Variants in COL19A1 observed in about 807,000 individuals in gnomAD.
COL19A1 encodes the protein collagen type XIX alpha 1 chain, also known as collagen alpha-1(XIX) chain.
Under a neutral mutation model 190.2 loss-of-function variants are expected in COL19A1, and 159 were observed. The observed-to-expected ratio is 0.84, with a 90% confidence interval of 0.73 to 0.95. COL19A1 has a LOEUF of 0.95. COL19A1 is among the 40% of genes least tolerant of loss of function. COL19A1 has a pLI of 0.00. For synonymous variants in COL19A1, 509 were observed against 458.9 expected (o/e 1.11, Z -1.39); for missense variants, 1,418 against 1,431.9 (o/e 0.99, Z 0.16).
In COL19A1 at chr6:70,156,724, G is replaced by A. The variant is rs1224374912; in HGVS notation, c.2292+1G>A. On this transcript the variant is annotated splice_donor_variant, in intron 34 of 50. Coordinates refer to ENST00000620364, the MANE Select transcript of COL19A1 (RefSeq NM_001858.6). LOFTEE classifies it high-confidence loss of function. ...GATACCTGGGGAGAAAGGCGATGAG[G>A]TAACAGATTCTTTTCTGATTATATA... is the stretch of plus-strand genomic sequence containing the variant. The A allele has an allele frequency of 1.2e-6, 2 of 1,607,800 alleles. No individual in the cohort carries two copies. The highest frequency in any genetic ancestry group is 1.1e-5 in the South Asian group (1 of 90,490).
At chr6:70,096,084 A>ATTTT (rs70987498) in intron 15 of COL19A1, among the ~76,000 whole-genome samples, 8,405 of 141,230 alleles carry the variant, frequency 0.06, 377 homozygotes, top group South Asian at 0.11. Context: ...CGGTAACTCT[A>ATTTT]TTTTTTTTTT....
intron 11 of COL19A1, among the ~76,000 whole-genome samples, chr6:69,982,156 T>A (rs1392161439): frequency 1.3e-5 from 2 of 152,164 alleles, no homozygotes; most frequent in East Asian, 3.8e-4. Flanking sequence ...AATAATTCTG[T>A]TCTGATGCAT....
chr6:69,981,871 A>C (rs1418070222), intron 11 of COL19A1, among the ~76,000 whole-genome samples: 1 of 152,166 alleles, frequency 6.6e-6, no homozygotes, highest in Non-Finnish European at 1.5e-5. Context: ...TCATGTATTT[A>C]AGGATTTATA....
At chr6:70,067,102 C>G (rs537728492) in intron 14 of COL19A1, among the ~76,000 whole-genome samples, 2 of 152,152 alleles carry the variant, frequency 1.3e-5, no homozygotes, top group South Asian at 4.1e-4. Context: ...GTGGTAAGTA[C>G]TTGAGAGAAA....
chr6:69,974,648 A>G (rs1775607422), intron 11 of COL19A1, among the ~76,000 whole-genome samples: 1 of 152,082 alleles, frequency 6.6e-6, no homozygotes, highest in Non-Finnish European at 1.5e-5. Flanking sequence ...TTTATAACAG[A>G]CAATTCTAAG....
chr6:70,179,816 C>A (rs11752666), intron 42 of COL19A1, among the ~76,000 whole-genome samples: 2,199 of 152,248 alleles, frequency 0.014, 80 homozygotes, highest in East Asian at 0.13. Context: ...CAGTCTGAAA[C>A]TTATGGCCTG....
intron 15 of COL19A1, among the ~76,000 whole-genome samples, chr6:70,089,893 T>A (rs538805631): frequency 2.0e-5 from 3 of 152,196 alleles, no homozygotes; most frequent in Non-Finnish European, 4.4e-5. Flanking sequence ...TTTTTTCCAG[T>A]CAAAAACAAT....
At chr6:70,189,780 A>G (rs190150190) in intron 47 of COL19A1, among the ~76,000 whole-genome samples, 3 of 152,374 alleles carry the variant, frequency 2.0e-5, no homozygotes, top group Admixed American at 2.0e-4. Context: ...TGTAAATTAC[A>G]GAATAAACTT....
chr6:70,062,363 G>A (rs1221918843), intron 14 of COL19A1, among the ~76,000 whole-genome samples: 1 of 151,982 alleles, frequency 6.6e-6, no homozygotes, highest in Non-Finnish European at 1.5e-5. Flanking sequence ...AAATTAGATG[G>A]TGAAATTAAG....
intron 36 of COL19A1, among the ~76,000 whole-genome samples, chr6:70,164,741 A>G (rs182975213): frequency 9.8e-5 from 15 of 152,334 alleles, no homozygotes; most frequent in Admixed American, 2.6e-4. Flanking sequence ...TTGTTGACTC[A>G]TTAGAACTAT....
intron 12 of COL19A1, among the ~76,000 whole-genome samples, chr6:70,032,524 A>T (rs1002763218): frequency 6.6e-6 from 1 of 152,192 alleles, no homozygotes; most frequent in Non-Finnish European, 1.5e-5. Flanking sequence ...TAAGCAAAAT[A>T]AAAGGGAACA....
At chr6:69,918,007 C>T (rs752062001) in intron 4 of COL19A1, among the ~76,000 whole-genome samples, 2 of 152,082 alleles carry the variant, frequency 1.3e-5, no homozygotes, top group African/African-American at 2.4e-5. Context: ...TACAAAGGCC[C>T]AAGGTCTCAA....
chr6:69,967,702 C>T (rs1359058900), intron 11 of COL19A1, among the ~76,000 whole-genome samples: 2 of 151,864 alleles, frequency 1.3e-5, no homozygotes, highest in East Asian at 1.9e-4. Context: ...CCTAAAATGC[C>T]ATATGAGATA....
At chr6:70,123,818 G>A (rs1486875911) in intron 17 of COL19A1, among the ~76,000 whole-genome samples, 2 of 125,450 alleles carry the variant, frequency 1.6e-5, no homozygotes, top group South Asian at 3.3e-4. Flanking sequence ...TTGTGGGGTC[G>A]GGGGAGGGGG....
At chr6:70,042,330 A>G (rs948430073) in intron 14 of COL19A1, among the ~76,000 whole-genome samples, 3 of 152,202 alleles carry the variant, frequency 2.0e-5, no homozygotes, top group Non-Finnish European at 2.9e-5. Context: ...GCAATAAAGC[A>G]AGTCACCAAT....
At chr6:70,066,131 T>C (rs934655934) in intron 14 of COL19A1, among the ~76,000 whole-genome samples, 1 of 152,164 alleles carries the variant, frequency 6.6e-6, no homozygotes, top group African/African-American at 2.4e-5. Context: ...TTCATGCTGC[T>C]ATAAAGACAC....
At chr6:70,077,848 A>G (rs1384675567) in intron 15 of COL19A1, among the ~76,000 whole-genome samples, 1 of 152,170 alleles carries the variant, frequency 6.6e-6, no homozygotes, top group Non-Finnish European at 1.5e-5. Context: ...ATTCATTAAT[A>G]ATGCCACTTT....
At chr6:69,905,644 G>T (rs1770504707) in intron 4 of COL19A1, among the ~76,000 whole-genome samples, 1 of 152,232 alleles carries the variant, frequency 6.6e-6, no homozygotes, top group Non-Finnish European at 1.5e-5. Flanking sequence ...AACAAGAGGA[G>T]TTATACGCCT....
At chr6:69,935,272 TG>T (rs1773022628) in intron 7 of COL19A1, among the ~76,000 whole-genome samples, 1 of 152,058 alleles carries the variant, frequency 6.6e-6, no homozygotes, top group Admixed American at 6.6e-5. Flanking sequence ...AGTCCTTACT[TG>T]TATGTTTGGT....
Sources: gnomAD v4.1 joint callset for allele counts (sites outside exome capture counted in the v4.1 genomes callset) on GRCh38, gnomAD v4.1.1 for gene constraint, MANE v1.5 for transcripts, NCBI Gene and HGNC (gene_info 2026-07-23, HGNC 2026-07-21) for gene names.